The following RBKS variants were observed in gnomAD, a reference collection of about 807,000 sequenced individuals.
RBKS encodes the protein ribokinase.
In RBKS, 33 loss-of-function variants were observed where a neutral mutation model predicts 33.9. That is an observed-to-expected ratio of 0.97 (90% CI 0.74 to 1.30). The LOEUF (loss-of-function observed/expected upper bound fraction) is 1.30, where lower values mean the gene tolerates loss of function less well. RBKS is among the 50% of genes most tolerant of loss of function. The pLI is 0.00. For synonymous variants in RBKS, 125 were observed against 143.0 expected (o/e 0.87, Z 0.90); for missense variants, 361 against 392.6 (o/e 0.92, Z 0.68).
intron 5 of RBKS, 86 bp downstream of exon 5, chr2:27,842,981 A>T: frequency 1.0e-6 from 1 of 984,154 alleles, no homozygotes; most frequent in Non-Finnish European, 1.4e-6. Context: ...CAGAAAGAGT[A>T]TTGCTTTGCT....
chr2:27,887,559 G>C (rs1354727602), intron 1 of RBKS, among the ~76,000 whole-genome samples: 1 of 152,208 alleles, frequency 6.6e-6, no homozygotes, highest in Non-Finnish European at 1.5e-5. Flanking sequence ...TTTTTGTAAA[G>C]ATCTTCAGTG....
intron 1 of RBKS, among the ~76,000 whole-genome samples, chr2:27,860,596 A>G (rs1261145924): frequency 6.6e-6 from 1 of 152,100 alleles, no homozygotes; most frequent in African/African-American, 2.4e-5. Context: ...ACTGGGATGT[A>G]TATATATATG....
intron 7 of RBKS, chr2:27,782,775 AT>A (rs200455515): frequency 1.8e-3 from 492 of 278,540 alleles, no homozygotes; most frequent in South Asian, 4.0e-3. Context: ...TTTAATTTTA[AT>A]TTTTTTTTTC....
chr2:27,870,727 A>T (rs1664191661), intron 1 of RBKS: 1 of 456,742 alleles, frequency 2.2e-6, no homozygotes, highest in South Asian at 1.6e-5. Context: ...TAGTGAAACC[A>T]GAAGCTGTCC....
At chr2:27,864,609 G>C (rs1664052008) in intron 1 of RBKS, among the ~76,000 whole-genome samples, 2 of 151,970 alleles carry the variant, frequency 1.3e-5, no homozygotes, top group Admixed American at 1.3e-4. Flanking sequence ...GGACTTCCCA[G>C]ACCACCTTAT....
At chr2:27,854,868 C>T (rs529537857) in intron 2 of RBKS, among the ~76,000 whole-genome samples, 28 of 151,962 alleles carry the variant, frequency 1.8e-4, no homozygotes, top group Non-Finnish European at 3.1e-4. Context: ...TCTGTGGAAC[C>T]ATTACCACAA....
rs1021325442 is a variant in RBKS at position 27,781,452 on chromosome 2, G to C, written c.*163C>G. ...TTGTGCAAATGCATGGAAAGCAAAA[G>C]AATCATCGTTATAAATAAATTGAAG... On this transcript the variant is annotated 3_prime_UTR_variant, in exon 8 of 8. Coordinates refer to ENST00000302188, the MANE Select transcript of RBKS (RefSeq NM_022128.3). The C allele has an allele frequency of 1.7e-6, 1 of 592,550 alleles. No homozygotes were observed. The highest frequency in any genetic ancestry group is 3.4e-5 in the Admixed American group (1 of 29,206). The allele number at this position is 592,550 out of a possible 1,614,324, so 36.7% of individuals were successfully genotyped here.
intron 7 of RBKS, among the ~76,000 whole-genome samples, chr2:27,800,411 G>A (rs1677751866): frequency 6.6e-6 from 1 of 152,090 alleles, no homozygotes; most frequent in South Asian, 2.1e-4. Context: ...GTGACCTCTG[G>A]CAAGTCACTC....
intron 2 of RBKS, 34 bp from the exon 3 acceptor site, chr2:27,848,131 T>C (rs1663659530): frequency 8.2e-7 from 1 of 1,224,382 alleles, no homozygotes. Flanking sequence ...TTAGATCTTT[T>C]AGAGTTAGTA....
chr2:27,789,997 A>G (rs1451072024), intron 7 of RBKS, among the ~76,000 whole-genome samples: 1 of 146,014 alleles, frequency 6.8e-6, no homozygotes, highest in Non-Finnish European at 1.5e-5. Flanking sequence ...AGAGAGAGAG[A>G]GAGAGAGAGA....
chr2:27,855,272 T>A (rs891973840), intron 2 of RBKS, among the ~76,000 whole-genome samples: 1 of 152,212 alleles, frequency 6.6e-6, no homozygotes, highest in Admixed American at 6.5e-5. Context: ...AGTCTCATAT[T>A]TGAAGGATAG....
chr2:27,813,762 G>GT (rs1156752868), intron 7 of RBKS, among the ~76,000 whole-genome samples: 1 of 152,144 alleles, frequency 6.6e-6, no homozygotes, highest in African/African-American at 2.4e-5. Context: ...GAAAATGGTT[G>GT]TGAGTTTTTC....
intron 7 of RBKS, among the ~76,000 whole-genome samples, chr2:27,820,089 C>G (rs1326303801): frequency 2.0e-5 from 3 of 152,192 alleles, no homozygotes; most frequent in African/African-American, 7.2e-5. Flanking sequence ...AGTACACCCT[C>G]AGAGAAATGA....
chr2:27,817,609 T>C (rs916699595), intron 7 of RBKS, among the ~76,000 whole-genome samples: 1 of 152,180 alleles, frequency 6.6e-6, no homozygotes, highest in Non-Finnish European at 1.5e-5. Context: ...CTTACAATCA[T>C]GGTGGAAGGA....
At chr2:27,858,666 T>A in intron 1 of RBKS, 95 bp from the exon 2 acceptor site, 1 of 1,034,714 alleles carries the variant, frequency 9.7e-7, no homozygotes, top group Non-Finnish European at 1.4e-6. Flanking sequence ...GGTAGAGCTC[T>A]AAATAGTCTT....
intron 1 of RBKS, among the ~76,000 whole-genome samples, chr2:27,878,376 C>A (rs1027129207): frequency 6.6e-6 from 1 of 150,578 alleles, no homozygotes; most frequent in Non-Finnish European, 1.5e-5. Flanking sequence ...TTTTTTATGG[C>A]TGCATAGTAT....
intron 7 of RBKS, among the ~76,000 whole-genome samples, chr2:27,811,695 A>G (rs1677987839): frequency 6.6e-6 from 1 of 152,204 alleles, no homozygotes; most frequent in African/African-American, 2.4e-5. Context: ...TACTATTAAT[A>G]TATCTAAAAA....
chr2:27,850,687 T>C (rs1663729214), intron 2 of RBKS, among the ~76,000 whole-genome samples: 1 of 152,248 alleles, frequency 6.6e-6, no homozygotes, highest in Non-Finnish European at 1.5e-5. Flanking sequence ...GATATTCCAT[T>C]GTCTCGATGT....
intron 7 of RBKS, among the ~76,000 whole-genome samples, chr2:27,816,340 A>G (rs111597255): frequency 7.6e-4 from 116 of 152,294 alleles, no homozygotes; most frequent in Middle Eastern, 3.4e-3. Flanking sequence ...TGCCTTGTCT[A>G]TCCATCTCTT....
Sources: allele counts gnomAD v4.1 joint callset (sites outside exome capture counted in the v4.1 genomes callset), GRCh38; gene constraint gnomAD v4.1.1; transcripts MANE v1.5; gene names NCBI Gene and HGNC (gene_info 2026-07-23, HGNC 2026-07-21).